Variants in GALNT17 observed in about 807,000 individuals in gnomAD.
The protein encoded by GALNT17 is UDP-GalNAc:polypeptide N-acetylgalactosaminyltransferase-like 3.
In GALNT17, 29 loss-of-function variants were observed where a neutral mutation model predicts 63.7. The ratio of observed to expected loss-of-function variants is 0.46; its 90% confidence interval spans 0.34 to 0.62. The LOEUF (loss-of-function observed/expected upper bound fraction) is 0.62. Ranked by LOEUF, GALNT17 falls within the 20% of genes least tolerant of loss-of-function variation. The probability of loss-of-function intolerance (pLI) is 0.01; values close to 1 mark genes in which losing one functional copy is unlikely to be tolerated. For missense variants in GALNT17, 603 were observed against 799.6 expected, an observed-to-expected ratio of 0.75 and a Z score of 2.97; for synonymous variants, 305 against 318.3, an observed-to-expected ratio of 0.96 and a Z score of 0.45.
chr7:71,296,803 T>C (rs1791089470), intron 1 of GALNT17, among the ~76,000 whole-genome samples: 1 of 152,074 alleles, frequency 6.6e-6, no homozygotes, highest in African/African-American at 2.4e-5. Flanking sequence ...GTGTAATATA[T>C]AGTGTTATAA....
intron 1 of GALNT17, among the ~76,000 whole-genome samples, chr7:71,150,714 G>A (rs1402059594): frequency 1.3e-5 from 2 of 151,776 alleles, no homozygotes; most frequent in Admixed American, 6.6e-5. Context: ...GTTTCACCAT[G>A]TTAGCCAGGA....
chr7:71,220,958 T>G (rs1025456218), intron 1 of GALNT17, among the ~76,000 whole-genome samples: 4 of 152,202 alleles, frequency 2.6e-5, no homozygotes, highest in Non-Finnish European at 4.4e-5. Context: ...AGATCTTTCC[T>G]CTAGGGCTAT....
At chr7:71,444,612 G>A (rs1034593530) in intron 5 of GALNT17, among the ~76,000 whole-genome samples, 6 of 152,164 alleles carry the variant, frequency 3.9e-5, no homozygotes, top group African/African-American at 1.4e-4. Context: ...GAGGCAGGTA[G>A]ATCACTTGAG....
chr7:71,600,003 T>A (rs1789941579), intron 6 of GALNT17, among the ~76,000 whole-genome samples: 1 of 151,752 alleles, frequency 6.6e-6, no homozygotes, highest in African/African-American at 2.4e-5. Context: ...TCTTCAGACA[T>A]GGACAAATAT....
At chr7:71,211,298 C>T (rs1326340671) in intron 1 of GALNT17, among the ~76,000 whole-genome samples, 3 of 152,146 alleles carry the variant, frequency 2.0e-5, no homozygotes, top group Non-Finnish European at 4.4e-5. Context: ...ATGGGTTTAT[C>T]AGGGGTTTCC....
At chr7:71,199,446 C>T (rs899829084) in intron 1 of GALNT17, among the ~76,000 whole-genome samples, 5 of 152,120 alleles carry the variant, frequency 3.3e-5, no homozygotes, top group Non-Finnish European at 7.4e-5. Flanking sequence ...CTCATCCATT[C>T]ATCCATCTGT....
intron 1 of GALNT17, among the ~76,000 whole-genome samples, chr7:71,311,090 A>G (rs1051539109): frequency 6.6e-6 from 1 of 152,148 alleles, no homozygotes; most frequent in Non-Finnish European, 1.5e-5. Context: ...TTTTCTTTCC[A>G]CTGACTTTAT....
chr7:71,390,722 G>C (rs1033067717), intron 3 of GALNT17, among the ~76,000 whole-genome samples: 1 of 151,984 alleles, frequency 6.6e-6, no homozygotes, highest in Non-Finnish European at 1.5e-5. Flanking sequence ...TGTTCCTGTG[G>C]CCCCCTTCAT....
intron 5 of GALNT17, among the ~76,000 whole-genome samples, chr7:71,499,286 C>T (rs1303595240): frequency 6.6e-6 from 1 of 152,128 alleles, no homozygotes; most frequent in African/African-American, 2.4e-5. Context: ...TTGCATGAAC[C>T]AATAACATTT....
chr7:71,413,696 T>TGA (rs1302649278), intron 3 of GALNT17, among the ~76,000 whole-genome samples: 1 of 152,090 alleles, frequency 6.6e-6, no homozygotes, highest in Non-Finnish European at 1.5e-5. Context: ...GTAAGCATCT[T>TGA]GAGGGAGCAC....
intron 6 of GALNT17, among the ~76,000 whole-genome samples, chr7:71,634,184 T>C (rs1041345278): frequency 6.6e-6 from 1 of 152,182 alleles, no homozygotes; most frequent in Non-Finnish European, 1.5e-5. Flanking sequence ...TTTCTGTCCA[T>C]GTGCAATTGG....
At position 71,203,859 on chromosome 7, in the gene GALNT17, G is replaced by A. The variant is rs62457784; in HGVS notation, c.238+70819G>A. Among the ~76,000 whole-genome samples the A allele has an allele frequency of 1.6e-3, 244 of 152,180 alleles. 1 individual carries two copies. The highest frequency in any genetic ancestry group is 2.2e-3 in the Non-Finnish European group (149 of 67,986). On this transcript the variant is annotated intron_variant, in intron 1 of 10. Coordinates refer to ENST00000333538, the MANE Select transcript of GALNT17 (RefSeq NM_022479.3). Reference sequence around the variant, plus strand: ...ATATTTTTCAAATTATTTTCTCCCCGTCCATGGGTTGTCTCTTCACTCTGT... The same window carrying A: ...ATATTTTTCAAATTATTTTCTCCCCATCCATGGGTTGTCTCTTCACTCTGT...
intron 5 of GALNT17, among the ~76,000 whole-genome samples, chr7:71,500,692 A>G (rs1788166521): frequency 6.6e-6 from 1 of 152,092 alleles, no homozygotes. Context: ...TCTTTCTTCC[A>G]GGGCTCTTTC....
At chr7:71,321,913 T>TCCTTCCTC in intron 1 of GALNT17, among the ~76,000 whole-genome samples, 1 of 24,124 alleles carries the variant, frequency 4.1e-5, no homozygotes, top group African/African-American at 1.5e-4. Flanking sequence ...CTTCCTTCCT[T>TCCTTCCTC]CCTTCCTTCC....
chr7:71,511,450 C>T (rs960141487), intron 5 of GALNT17, among the ~76,000 whole-genome samples: 2 of 152,134 alleles, frequency 1.3e-5, no homozygotes, highest in Non-Finnish European at 2.9e-5. Flanking sequence ...AAGACTTTCA[C>T]GCAGTGGCAC....
chr7:71,681,212 T>C (rs1356447669), intron 9 of GALNT17, among the ~76,000 whole-genome samples: 1 of 152,176 alleles, frequency 6.6e-6, no homozygotes, highest in Non-Finnish European at 1.5e-5. Flanking sequence ...CAGTTTTGCA[T>C]TTCCAGCTGA....
chr7:71,454,002 A>G (rs1486888156), intron 5 of GALNT17, among the ~76,000 whole-genome samples: 3 of 152,144 alleles, frequency 2.0e-5, no homozygotes, highest in Admixed American at 6.5e-5. Context: ...CCATATACCT[A>G]TTCACACTAT....
intron 7 of GALNT17, among the ~76,000 whole-genome samples, chr7:71,668,516 C>CAAAAAA (rs56329930): frequency 0.045 from 2,827 of 62,894 alleles, 551 homozygotes; most frequent in Middle Eastern, 0.087. Context: ...GACACCATCT[C>CAAAAAA]AAAAAAAAAA....
chr7:71,550,053 C>A (rs572470288), intron 5 of GALNT17, among the ~76,000 whole-genome samples: 1 of 151,724 alleles, frequency 6.6e-6, no homozygotes, highest in East Asian at 2.0e-4. Context: ...TCAGATGAGT[C>A]CTGCCCCAAT....
Sources: gnomAD v4.1 joint callset for allele counts (sites outside exome capture counted in the v4.1 genomes callset) on GRCh38, gnomAD v4.1.1 for gene constraint, MANE v1.5 for transcripts, NCBI Gene and HGNC (gene_info 2026-07-23, HGNC 2026-07-21) for gene names.